Variants in AUTS2 observed in about 807,000 individuals in gnomAD.
AUTS2 encodes the protein activator of transcription and developmental regulator AUTS2, also known as autism susceptibility gene 2 protein.
Under a neutral mutation model 112.4 loss-of-function variants are expected in AUTS2, and 17 were observed. The observed-to-expected ratio is 0.15, with a 90% CI of 0.10 to 0.23. AUTS2 has a LOEUF of 0.23. AUTS2 is among the 10% of genes least tolerant of loss of function. AUTS2 has a pLI of 1.00. For missense variants in AUTS2, 1,510 were observed against 1,701.6 expected, an observed-to-expected ratio of 0.89 and a Z score of 1.98; for synonymous variants, 751 against 702.7, an observed-to-expected ratio of 1.07 and a Z score of -1.09.
Position 70,791,519 on chromosome 7 carries a change from AAACT to A in AUTS2, c.*524_*527del, listed in dbSNP as rs1318397870. ...ATACTTCTTAAAATGTGCTATTTGC[AAACT>A]TACTTAATATCAGTGAACACAGTCG... On this transcript the variant is annotated 3_prime_UTR_variant, in exon 19 of 19. Coordinates refer to ENST00000342771, the MANE Select transcript of AUTS2 (RefSeq NM_015570.4). 2.7e-5 allele frequency: 4 copies of A among 149,792 alleles called. No individual in the cohort carries two copies. The highest frequency in any genetic ancestry group is 6.0e-5 in the Non-Finnish European group (4 of 66,304). The allele number at this position is 149,792 out of a possible 1,614,324, so 9.3% of individuals were successfully genotyped here. A position where few individuals can be genotyped will look rare whatever the true frequency, so the allele number is the denominator to read the frequency against.
chr7:70,671,364 C>A (rs1296206064), intron 5 of AUTS2, among the ~76,000 whole-genome samples: 1 of 152,176 alleles, frequency 6.6e-6, no homozygotes, highest in African/African-American at 2.4e-5. Context: ...CCTGGGTAAC[C>A]GCTTGAAGAA....
intron 4 of AUTS2, among the ~76,000 whole-genome samples, chr7:70,225,757 GATTGT>G (rs1811731666): frequency 6.6e-6 from 1 of 152,234 alleles, no homozygotes; most frequent in South Asian, 2.1e-4. Context: ...TACAAAAAAA[GATTGT>G]ATTAGGAATT....
intron 1 of AUTS2, among the ~76,000 whole-genome samples, chr7:69,679,356 C>A (rs1796697892): frequency 6.6e-6 from 1 of 152,188 alleles, no homozygotes; most frequent in Non-Finnish European, 1.5e-5. Flanking sequence ...CTCAACAATG[C>A]CTTAGCTACA....
At chr7:70,016,376 A>AT (rs919123095) in intron 2 of AUTS2, among the ~76,000 whole-genome samples, 27 of 150,118 alleles carry the variant, frequency 1.8e-4, no homozygotes, top group South Asian at 1.1e-3. Context: ...CTTTTAAGTA[A>AT]TTTTTTTTTT....
At chr7:69,763,843 T>C (rs147723371) in intron 1 of AUTS2, among the ~76,000 whole-genome samples, 1 of 152,352 alleles carries the variant, frequency 6.6e-6, no homozygotes, top group East Asian at 1.9e-4. Context: ...TATACGGATG[T>C]ATTTAGCGAT....
chr7:69,916,131 G>T (rs1268600865), intron 2 of AUTS2, among the ~76,000 whole-genome samples: 1 of 152,220 alleles, frequency 6.6e-6, no homozygotes. Context: ...TTACTATCAA[G>T]TTATTTTTTT....
rs1287925786 is a variant in AUTS2, at chr7:70,621,020, C to T, written c.691-77549C>T. 7.9e-5 allele frequency among the ~76,000 whole-genome samples: 12 copies of T among 152,280 alleles called. No individual in the cohort carries two copies. In the South Asian group the frequency reaches 1.0e-3, roughly 13 times the overall value. On this transcript the variant is annotated intron_variant, in intron 5 of 18. Transcript: ENST00000342771. ...CAGAGCGGGGAGGACCATGAGGGGC[C>T]GCGGTATGGCGGCGGTGGGGTAGGG...
At position 69,848,909 on chromosome 7, in the gene AUTS2, T is replaced by C. The variant is rs991663844; in HGVS notation, c.310-50377T>C. Among the ~76,000 whole-genome samples, 5 of 152,190 alleles carry C rather than the reference T, an allele frequency of 3.3e-5. No individual in the cohort carries two copies. The South Asian group carries it at 8.3e-4, about 25-fold the overall frequency. On this transcript the variant is annotated intron_variant, in intron 1 of 18. Coordinates refer to ENST00000342771, the MANE Select transcript of AUTS2 (RefSeq NM_015570.4). Reference sequence around the variant, plus strand: ...TTTCGACACCCTTGGTTTTATTGACTAAATAATCTTCAGAAGACAAGACAT... The same window carrying C: ...TTTCGACACCCTTGGTTTTATTGACCAAATAATCTTCAGAAGACAAGACAT...
intron 2 of AUTS2, among the ~76,000 whole-genome samples, chr7:69,970,722 C>T (rs576743939): frequency 1.4e-4 from 21 of 152,148 alleles, no homozygotes; most frequent in Non-Finnish European, 5.9e-5. Context: ...ACATCTCCCT[C>T]AACAGTGCTA....
At chr7:69,680,530 A>G (rs1210670653) in intron 1 of AUTS2, among the ~76,000 whole-genome samples, 1 of 152,226 alleles carries the variant, frequency 6.6e-6, no homozygotes, top group Non-Finnish European at 1.5e-5. Context: ...TAGTCATTTC[A>G]TTGTGAAACA....
intron 1 of AUTS2, among the ~76,000 whole-genome samples, chr7:69,783,202 G>A (rs1229324385): frequency 1.3e-5 from 2 of 149,236 alleles, no homozygotes; most frequent in Non-Finnish European, 3.0e-5. Flanking sequence ...TCTCCTCTTC[G>A]GCTCATTGAG....
intron 4 of AUTS2, among the ~76,000 whole-genome samples, chr7:70,285,694 C>G (rs1788426562): frequency 6.6e-6 from 1 of 152,112 alleles, no homozygotes; most frequent in African/African-American, 2.4e-5. Flanking sequence ...TTATTTGATA[C>G]TTAATATTGA....
At chr7:69,686,823 C>G (rs1797085072) in intron 1 of AUTS2, among the ~76,000 whole-genome samples, 1 of 152,126 alleles carries the variant, frequency 6.6e-6, no homozygotes, top group Non-Finnish European at 1.5e-5. Flanking sequence ...CTTTTTTGGT[C>G]TTAACCCACT....
At chr7:69,979,628 T>G (rs1319234614) in intron 2 of AUTS2, among the ~76,000 whole-genome samples, 1 of 152,182 alleles carries the variant, frequency 6.6e-6, no homozygotes, top group African/African-American at 2.4e-5. Context: ...GATTACCTCA[T>G]AAGAGTATGA....
At chr7:69,791,918 A>G (rs2129326686) in intron 1 of AUTS2, among the ~76,000 whole-genome samples, 1 of 152,222 alleles carries the variant, frequency 6.6e-6, no homozygotes, top group South Asian at 2.1e-4. Context: ...TTACTGTCTG[A>G]GAATCTGCAT....
chr7:70,729,267 C>A, intron 6 of AUTS2: 1 of 441,042 alleles, frequency 2.3e-6, no homozygotes. Flanking sequence ...TTCCCCACTA[C>A]TCCTCTGCCT....
In AUTS2 at chr7:70,781,913, T is replaced by C. The variant is rs925246780; in HGVS notation, c.2146+157T>C. On this transcript the variant is annotated intron_variant, in intron 15 of 18. Transcript: ENST00000342771. ...GCAACATCGCAGCACATCCAGGGAGTTGGGAATCTTCATTGATACACTCTC... is the reference window on the plus strand; with the variant it reads ...GCAACATCGCAGCACATCCAGGGAGCTGGGAATCTTCATTGATACACTCTC... 6 of 861,226 alleles carry C rather than the reference T, an allele frequency of 7.0e-6. No homozygotes were observed. In the Admixed American group the frequency reaches 9.1e-5, roughly 13 times the overall value. 53.3% of individuals were successfully genotyped at this position (861,226 alleles called of 1,614,324 possible).
intron 5 of AUTS2, among the ~76,000 whole-genome samples, chr7:70,447,984 A>G (rs578048011): frequency 3.0e-4 from 45 of 152,324 alleles, no homozygotes; most frequent in African/African-American, 9.4e-4. Flanking sequence ...CTTATGTTGA[A>G]TCATGTTCTT....
chr7:69,791,771 C>CAGT (rs1789614890), intron 1 of AUTS2, among the ~76,000 whole-genome samples: 1 of 152,210 alleles, frequency 6.6e-6, no homozygotes, highest in Non-Finnish European at 1.5e-5. Context: ...GGAAATTCTA[C>CAGT]AGTCCTGCAG....
Sources: gnomAD v4.1 joint callset for allele counts (sites outside exome capture counted in the v4.1 genomes callset) on GRCh38, gnomAD v4.1.1 for gene constraint, MANE v1.5 for transcripts, NCBI Gene and HGNC (gene_info 2026-07-23, HGNC 2026-07-21) for gene names.